CNTN4: variants seen among roughly 807,000 people sequenced by gnomAD.
CNTN4 encodes the protein contactin-4.
In CNTN4, 77 loss-of-function variants were observed where a neutral mutation model predicts 122.5. That is an observed-to-expected ratio of 0.63 (90% confidence interval 0.52 to 0.76). The LOEUF (loss-of-function observed/expected upper bound fraction) is 0.76. CNTN4 is among the 30% of genes least tolerant of loss of function. CNTN4 has a pLI of 0.00. For synonymous variants in CNTN4, 512 were observed against 447.0 expected (o/e 1.15, Z -1.83); for missense variants, 1,256 against 1,259.1 (o/e 1.00, Z 0.04).
rs192759150 is a variant in CNTN4, at chr3:2,238,848, C to T, written c.-144-100330C>T. On this transcript the variant is annotated intron_variant, in intron 2 of 24. Coordinates refer to ENST00000418658, the MANE Select transcript of CNTN4 (RefSeq NM_175607.3). ...GTTCCCGCCATTCTCCCGCCTCAGC[C>T]TCCCGAGTAGCTGGGACTACAGGCG... is the stretch of plus-strand genomic sequence containing the variant. The T allele has an allele frequency of 2.0e-4, 19 of 95,964 alleles. 3 individuals are homozygous for T. In the East Asian group the frequency reaches 5.7e-3, roughly 29 times the overall value. 5.9% of individuals were successfully genotyped at this position (95,964 alleles called of 1,614,324 possible). A position where few individuals can be genotyped will look rare whatever the true frequency, so the allele number is the denominator to read the frequency against.
intron 12 of CNTN4, among the ~76,000 whole-genome samples, chr3:2,908,086 C>G (rs928147128): frequency 6.6e-6 from 1 of 152,114 alleles, no homozygotes; most frequent in Admixed American, 6.5e-5. Context: ...TGTGGACATC[C>G]CTGAGGTGCT....
chr3:3,023,059 A>G (rs1698434621), intron 14 of CNTN4, among the ~76,000 whole-genome samples: 1 of 152,166 alleles, frequency 6.6e-6, no homozygotes, highest in African/African-American at 2.4e-5. Context: ...TTTTGCAGGA[A>G]GCCATCTGTT....
At chr3:2,999,692 G>A (rs146419570) in intron 14 of CNTN4, among the ~76,000 whole-genome samples, 92 of 152,154 alleles carry the variant, frequency 6.0e-4, no homozygotes, top group African/African-American at 2.1e-3. Flanking sequence ...CCCACACGAA[G>A]GTCTTTTATA....
intron 2 of CNTN4, among the ~76,000 whole-genome samples, chr3:2,261,693 C>T (rs1251204084): frequency 6.6e-6 from 1 of 152,142 alleles, no homozygotes; most frequent in African/African-American, 2.4e-5. Flanking sequence ...TGAAGGCCCG[C>T]TTGCTTCATT....
At chr3:2,282,289 T>C (rs2041744932) in intron 2 of CNTN4, among the ~76,000 whole-genome samples, 1 of 152,088 alleles carries the variant, frequency 6.6e-6, no homozygotes, top group South Asian at 2.1e-4. Context: ...TGGTTTATTT[T>C]GATTGGTCGT....
At chr3:2,754,322 G>A (rs1373894778) in intron 6 of CNTN4, among the ~76,000 whole-genome samples, 1 of 152,112 alleles carries the variant, frequency 6.6e-6, no homozygotes, top group African/African-American at 2.4e-5. Context: ...ATCATCTCAG[G>A]CTGTAGATGA....
intron 14 of CNTN4, among the ~76,000 whole-genome samples, 183 bp from the exon 15 acceptor site, chr3:3,025,919 T>C (rs951210145): frequency 1.3e-5 from 2 of 152,190 alleles, no homozygotes; most frequent in Non-Finnish European, 2.9e-5. Context: ...CTTTTCATAT[T>C]AAAAATGACC....
At position 2,851,582 on chromosome 3, in the gene CNTN4, C is replaced by T. The variant is rs141162306; in HGVS notation, c.455-15170C>T. Among the ~76,000 whole-genome samples the T allele has an allele frequency of 1.9e-3, 297 of 152,322 alleles. 1 individual carries two copies. Among genetic ancestry groups the T allele is most frequent in the African/African-American group, 6.5e-3 (269 of 41,576 alleles). On this transcript the variant is annotated intron_variant, in intron 7 of 24. Coordinates refer to ENST00000418658, the MANE Select transcript of CNTN4 (RefSeq NM_175607.3). ...CTGTCTGTTAATGATTTCTCACCTTCGCTTGGCGTTTTATTGTTTACAAAG... is the reference window on the plus strand; with the variant it reads ...CTGTCTGTTAATGATTTCTCACCTTTGCTTGGCGTTTTATTGTTTACAAAG...
chr3:2,984,342 G>C (rs1202704727), intron 13 of CNTN4, among the ~76,000 whole-genome samples: 1 of 152,210 alleles, frequency 6.6e-6, no homozygotes, highest in Non-Finnish European at 1.5e-5. Context: ...TAGACCAGCA[G>C]TTCTCAAATG....
At chr3:2,437,973 A>G (rs2048313038) in intron 3 of CNTN4, among the ~76,000 whole-genome samples, 4 of 152,184 alleles carry the variant, frequency 2.6e-5, no homozygotes, top group Non-Finnish European at 5.9e-5. Flanking sequence ...CATTCCCAGC[A>G]TCAAAATTGG....
intron 2 of CNTN4, among the ~76,000 whole-genome samples, chr3:2,295,625 G>A (rs1164354253): frequency 2.0e-5 from 3 of 152,024 alleles, no homozygotes; most frequent in Non-Finnish European, 2.9e-5. Context: ...CCATTCTATA[G>A]GTTGCCTGTT....
intron 4 of CNTN4, among the ~76,000 whole-genome samples, chr3:2,672,027 G>A: frequency 6.6e-6 from 1 of 152,196 alleles, no homozygotes; most frequent in Admixed American, 6.5e-5. Flanking sequence ...TGCCCCTACT[G>A]GGGGGTGCCT....
At chr3:2,731,943 T>C (rs2088716237) in intron 4 of CNTN4, among the ~76,000 whole-genome samples, 1 of 152,228 alleles carries the variant, frequency 6.6e-6, no homozygotes. Context: ...AATTAGCTTC[T>C]GGAGTTCAAC....
chr3:2,138,921 C>G (rs2034843989), intron 2 of CNTN4, among the ~76,000 whole-genome samples: 1 of 152,138 alleles, frequency 6.6e-6, no homozygotes, highest in Non-Finnish European at 1.5e-5. Context: ...TTTTCTTTCT[C>G]TGGAGAGCTC....
At chr3:2,488,279 A>T (rs574799391) in intron 3 of CNTN4, among the ~76,000 whole-genome samples, 1 of 152,212 alleles carries the variant, frequency 6.6e-6, no homozygotes, top group African/African-American at 2.4e-5. Context: ...TCATTTCCTT[A>T]TAAGTTTGAG....
intron 2 of CNTN4, among the ~76,000 whole-genome samples, chr3:2,321,079 A>G (rs1437803973): frequency 1.3e-5 from 2 of 152,140 alleles, no homozygotes; most frequent in Admixed American, 6.5e-5. Flanking sequence ...TGGAAATAGC[A>G]GATAATTTGG....
At chr3:2,990,556 G>A (rs569167427) in intron 14 of CNTN4, among the ~76,000 whole-genome samples, 1 of 152,212 alleles carries the variant, frequency 6.6e-6, no homozygotes, top group Admixed American at 6.5e-5. Flanking sequence ...CCAAGAGTTG[G>A]CAGAAAGGAG....
At chr3:2,713,132 A>G (rs567070208) in intron 4 of CNTN4, among the ~76,000 whole-genome samples, 7 of 152,166 alleles carry the variant, frequency 4.6e-5, no homozygotes, top group Non-Finnish European at 1.0e-4. Context: ...TTTGCAACTG[A>G]TATCTGAAGT....
intron 6 of CNTN4, among the ~76,000 whole-genome samples, chr3:2,795,843 A>T (rs1202878476): frequency 6.6e-6 from 1 of 152,154 alleles, no homozygotes; most frequent in Admixed American, 6.6e-5. Flanking sequence ...TTTTGATTCA[A>T]ATTTGTCTTG....
Sources: gnomAD v4.1 joint callset for allele counts (sites outside exome capture counted in the v4.1 genomes callset) on GRCh38, gnomAD v4.1.1 for gene constraint, MANE v1.5 for transcripts, NCBI Gene and HGNC (gene_info 2026-07-23, HGNC 2026-07-21) for gene names.